The following RANBP17 variants were observed in gnomAD, a reference collection of about 807,000 sequenced individuals.
RANBP17 encodes the protein ran-binding protein 17.
In RANBP17, 158 loss-of-function variants were observed where a neutral mutation model predicts 141.2. That is an observed-to-expected ratio of 1.12 (90% CI 0.98 to 1.28). The LOEUF (loss-of-function observed/expected upper bound fraction) is 1.28. RANBP17 is among the 50% of genes most tolerant of loss of function. The pLI, the probability that RANBP17 is intolerant of heterozygous loss-of-function variation, is 0.00. For synonymous variants in RANBP17, 430 were observed against 450.0 expected, an observed-to-expected ratio of 0.96 and a Z score of 0.56; for missense variants, 1,438 against 1,290.7, an observed-to-expected ratio of 1.11 and a Z score of -1.75.
intron 1 of RANBP17, among the ~76,000 whole-genome samples, chr5:170,864,121 C>T (rs1421069831): frequency 6.6e-6 from 1 of 152,188 alleles, no homozygotes; most frequent in Admixed American, 6.5e-5. Context: ...ACGTTTCATT[C>T]TGAAGACACT....
At chr5:170,974,626 C>T (rs1360369808) in intron 14 of RANBP17, among the ~76,000 whole-genome samples, 4 of 152,186 alleles carry the variant, frequency 2.6e-5, no homozygotes, top group Admixed American at 2.6e-4. Context: ...CCCTGTCCTT[C>T]CAGCAACCCT....
chr5:171,089,296 TGAG>T lies in RANBP17; in HGVS notation c.1711-80829_1711-80827del, dbSNP rs1308221354. Among the ~76,000 whole-genome samples the T allele has an allele frequency of 2.9e-3, 308 of 105,606 alleles. 1 individual carries two copies. The highest frequency in any genetic ancestry group is 5.3e-3 in the Non-Finnish European group (240 of 45,714). 69.3% of individuals were successfully genotyped at this position (105,606 alleles called of 152,430 possible). Reference sequence around the variant, plus strand: ...GGGGGTCACGGGTCAGGGACCCACTTGAGGAGGCAGTCTGCCCGTTCTCAGATC... The same window carrying T: ...GGGGGTCACGGGTCAGGGACCCACTTGAGGCAGTCTGCCCGTTCTCAGATC... On this transcript the variant is annotated intron_variant, in intron 14 of 27. Transcript: ENST00000523189.
chr5:170,918,338 C>G (rs909797732), intron 9 of RANBP17: 1 of 154,038 alleles, frequency 6.5e-6, no homozygotes, highest in Non-Finnish European at 1.4e-5. Context: ...ATTGTTCTTT[C>G]CTAGAGTTTA....
intron 14 of RANBP17, among the ~76,000 whole-genome samples, chr5:171,132,564 A>G (rs914022921): frequency 6.6e-6 from 1 of 152,052 alleles, no homozygotes; most frequent in Non-Finnish European, 1.5e-5. Flanking sequence ...TCTACAAAAA[A>G]TTTAAAAATT....
chr5:171,094,636 A>G (rs1346044084), intron 14 of RANBP17, among the ~76,000 whole-genome samples: 2 of 152,100 alleles, frequency 1.3e-5, no homozygotes, highest in East Asian at 3.8e-4. Context: ...ATTCCCACCT[A>G]AGCTTGTCTT....
At chr5:170,863,688 A>G (rs934074175) in intron 1 of RANBP17, 2 of 152,200 alleles carry the variant, frequency 1.3e-5, no homozygotes, top group African/African-American at 4.8e-5. Context: ...ATTAAAAGGT[A>G]TGGTGGAACT....
intron 12 of RANBP17, among the ~76,000 whole-genome samples, chr5:170,939,997 C>T (rs1774199398): frequency 6.6e-6 from 1 of 151,712 alleles, no homozygotes; most frequent in African/African-American, 2.4e-5. Context: ...AGGAAAATAA[C>T]CAGAGACAAT....
chr5:171,123,454 T>G (rs1756193662), intron 14 of RANBP17, among the ~76,000 whole-genome samples: 2 of 152,214 alleles, frequency 1.3e-5, no homozygotes, highest in Admixed American at 1.3e-4. Flanking sequence ...GGGTTTAAGT[T>G]AGGTGGTTGC....
intron 14 of RANBP17, chr5:170,970,617 C>T (rs1182516911): frequency 6.6e-6 from 1 of 152,064 alleles, no homozygotes; most frequent in African/African-American, 2.4e-5. Flanking sequence ...TATCCTACTG[C>T]TCAAGGTCAT....
intron 8 of RANBP17, among the ~76,000 whole-genome samples, chr5:170,915,758 C>G (rs1012642937): frequency 5.3e-5 from 8 of 152,110 alleles, no homozygotes; most frequent in Admixed American, 2.0e-4. Flanking sequence ...CCTGCCCCCC[C>G]CAACAGGATA....
chr5:170,936,634 T>C (rs1773901572), intron 12 of RANBP17, among the ~76,000 whole-genome samples: 1 of 152,196 alleles, frequency 6.6e-6, no homozygotes, highest in Non-Finnish European at 1.5e-5. Flanking sequence ...AGACTTGTCA[T>C]ATGACCCAGA....
At chr5:171,028,307 C>T (rs557689991) in intron 14 of RANBP17, among the ~76,000 whole-genome samples, 3 of 151,870 alleles carry the variant, frequency 2.0e-5, no homozygotes, top group Admixed American at 6.6e-5. Flanking sequence ...GGAGATGAAA[C>T]GCATTTTTAG....
intron 18 of RANBP17, among the ~76,000 whole-genome samples, chr5:171,186,928 C>G (rs1045733485): frequency 2.0e-5 from 3 of 151,942 alleles, no homozygotes; most frequent in Non-Finnish European, 4.4e-5. Flanking sequence ...ATAATTTTTC[C>G]TTTGCATTCA....
Position 170,905,600 on chromosome 5 carries a change from G to A in RANBP17, c.490-4061G>A, listed in dbSNP as rs144926379. Among the ~76,000 whole-genome samples, 1,238 of 152,202 alleles carry A rather than the reference G, an allele frequency of 8.1e-3. 10 individuals carry two copies. Among genetic ancestry groups the A allele is most frequent in the Non-Finnish European group, 0.014 (939 of 67,948 alleles). On this transcript the variant is annotated intron_variant, in intron 5 of 27. Coordinates refer to ENST00000523189, the MANE Select transcript of RANBP17 (RefSeq NM_022897.5). ...AGTCCTCCACCCCAGAGTATATGCTGTGTGTTTGTGTGTACATAGGTATCT... is the reference window on the plus strand; with the variant it reads ...AGTCCTCCACCCCAGAGTATATGCTATGTGTTTGTGTGTACATAGGTATCT...
chr5:170,938,780 A>G (rs916095137), intron 12 of RANBP17, among the ~76,000 whole-genome samples: 1 of 152,206 alleles, frequency 6.6e-6, no homozygotes, highest in African/African-American at 2.4e-5. Flanking sequence ...GAAAAAAGGA[A>G]AATGAAAATA....
chr5:171,149,875 G>A (rs1241488826), intron 14 of RANBP17, among the ~76,000 whole-genome samples: 1 of 152,104 alleles, frequency 6.6e-6, no homozygotes, highest in South Asian at 2.1e-4. Flanking sequence ...AAATAACAGC[G>A]ATCTCCTCTG....
intron 23 of RANBP17, among the ~76,000 whole-genome samples, chr5:171,242,216 C>T (rs2127997234): frequency 6.6e-6 from 1 of 150,950 alleles, no homozygotes; most frequent in Non-Finnish European, 1.5e-5. Context: ...TTATCTTTTG[C>T]CTGTAGTGTA....
intron 8 of RANBP17, among the ~76,000 whole-genome samples, chr5:170,915,271 T>G (rs1771857193): frequency 6.6e-6 from 1 of 152,142 alleles, no homozygotes; most frequent in South Asian, 2.1e-4. Context: ...ATGTCCTATT[T>G]ATTGTATGAT....
chr5:170,947,653 G>C (rs1774870399), intron 12 of RANBP17, among the ~76,000 whole-genome samples: 1 of 152,094 alleles, frequency 6.6e-6, no homozygotes, highest in South Asian at 2.1e-4. Context: ...GCTGGGGCTG[G>C]AGTTGCCTGA....
Sources: allele counts gnomAD v4.1 joint callset (sites outside exome capture counted in the v4.1 genomes callset), GRCh38; gene constraint gnomAD v4.1.1; transcripts MANE v1.5; gene names NCBI Gene and HGNC (gene_info 2026-07-23, HGNC 2026-07-21).